The following SOCS7 variants were observed in gnomAD, a reference collection of about 807,000 sequenced individuals.
The protein encoded by SOCS7 is NAP-4.
A neutral mutation model predicts 58.9 loss-of-function variants in SOCS7; 18 were observed. The observed-to-expected ratio is 0.31, with a 90% CI of 0.21 to 0.45. The LOEUF (loss-of-function observed/expected upper bound fraction) is 0.45, where lower values mean the gene tolerates loss of function less well. Among genes scored for constraint, SOCS7 ranks in the 20% least tolerant of loss-of-function variants. SOCS7 has a pLI of 1.00. For synonymous variants in SOCS7, 388 were observed against 364.3 expected, an observed-to-expected ratio of 1.06 and a Z score of -0.74; for missense variants, 667 against 837.3, an observed-to-expected ratio of 0.80 and a Z score of 2.51.
intron 7 of SOCS7, among the ~76,000 whole-genome samples, chr17:38,383,834 G>A (rs1469281308): frequency 5.3e-5 from 8 of 152,068 alleles, no homozygotes; most frequent in African/African-American, 1.2e-4. Context: ...GTGAGCCACC[G>A]CGCCCAGCCT....
intron 7 of SOCS7, among the ~76,000 whole-genome samples, chr17:38,384,273 ATTAGTGT>A (rs1269388525): frequency 1.3e-5 from 2 of 152,164 alleles, no homozygotes; most frequent in South Asian, 2.1e-4. Flanking sequence ...TTCATTGCAT[ATTAGTGT>A]TTAGTGTTTA....
At chr17:38,393,299 A>G (rs2038200478) in intron 7 of SOCS7, among the ~76,000 whole-genome samples, 1 of 152,162 alleles carries the variant, frequency 6.6e-6, no homozygotes, top group Non-Finnish European at 1.5e-5. Flanking sequence ...GATGCGGTGT[A>G]CATGCTTTCA....
In SOCS7 at chr17:38,353,008, C is replaced by G; in HGVS notation, c.956C>G (p.Ala319Gly). ...AASLTDMGGS[A>G]GRELDAGRKP... is the part of the protein sequence containing the mutation. ...AGCCTGACAGACATGGGAGGCTCTGCGGGCCGGGAGCTGGACGCGGGGAGG... is the reference window on the plus strand; with the variant it reads ...AGCCTGACAGACATGGGAGGCTCTGGGGGCCGGGAGCTGGACGCGGGGAGG... The change falls in exon 1 of 10, where the codon GCG (alanine) becomes GGG (glycine). Residue 319 changes from alanine (A) to glycine (G), a missense_variant. Ala to Gly is a moderately conservative substitution (Grantham distance 60). This residue lies in a region of SOCS7 where 208 missense variants were observed against 190.3 expected (regional missense o/e 1.09). Transcript: ENST00000612932. 6.3e-7 allele frequency: 1 copy of G among 1,594,268 alleles called. No individual in the cohort carries two copies. The highest frequency in any genetic ancestry group is 1.3e-5 in the African/African-American group (1 of 74,836).
intron 6 of SOCS7, among the ~76,000 whole-genome samples, chr17:38,371,381 TCTC>T (rs1441127575): frequency 6.6e-6 from 1 of 152,120 alleles, no homozygotes; most frequent in Non-Finnish European, 1.5e-5. Flanking sequence ...TTCAGGCAAT[TCTC>T]CTGCCTCAGC....
intron 1 of SOCS7, among the ~76,000 whole-genome samples, chr17:38,357,452 C>T (rs142703952): frequency 6.2e-4 from 94 of 152,246 alleles, no homozygotes; most frequent in African/African-American, 2.2e-3. Flanking sequence ...TGCAGTGCTT[C>T]TCACTCCTTA....
chr17:38,391,446 A>G (rs921536033), intron 7 of SOCS7, among the ~76,000 whole-genome samples: 4 of 152,320 alleles, frequency 2.6e-5, no homozygotes, highest in African/African-American at 9.6e-5. Context: ...GCTGGAGTGC[A>G]GTGGTACAAT....
rs2038318944 is a variant in SOCS7 at position 38,401,545 on chromosome 17, A to G, written c.*2063A>G. ...CTTTGCGCTAGATATTGTAGAAAAC[A>G]AAAAAGGTAAAAGACGTAATATGTG... On this transcript the variant is annotated 3_prime_UTR_variant, in exon 10 of 10. Transcript: ENST00000612932. The G allele has an allele frequency of 6.6e-6, 1 of 152,068 alleles. No homozygotes were observed. Among genetic ancestry groups the G allele is most frequent in the African/African-American group, 2.4e-5 (1 of 41,394 alleles). The allele number at this position is 152,068 out of a possible 1,614,324, so 9.4% of individuals were successfully genotyped here.
intron 7 of SOCS7, among the ~76,000 whole-genome samples, chr17:38,383,130 C>T (rs1479625505): frequency 3.3e-5 from 5 of 152,096 alleles, no homozygotes; most frequent in Non-Finnish European, 5.9e-5. Flanking sequence ...TCCAGAGCAC[C>T]GAGTGCTACC....
intron 9 of SOCS7, among the ~76,000 whole-genome samples, chr17:38,398,118 C>CTTTTTTT (rs1318566626): frequency 6.6e-6 from 1 of 152,102 alleles, no homozygotes; most frequent in Non-Finnish European, 1.5e-5. Flanking sequence ...CCCAGGATCC[C>CTTTTTTT]TTTTTGCTGT....
At chr17:38,353,388 G>A (rs936620819) in intron 1 of SOCS7, among the ~76,000 whole-genome samples, 1 of 152,164 alleles carries the variant, frequency 6.6e-6, no homozygotes, top group Non-Finnish European at 1.5e-5. Context: ...TGGCCTTTGG[G>A]GCAAAAAGCT....
chr17:38,374,209 G>A (rs1447608968), intron 6 of SOCS7, among the ~76,000 whole-genome samples: 1 of 151,426 alleles, frequency 6.6e-6, no homozygotes, highest in African/African-American at 2.4e-5. Flanking sequence ...GACCGAGTGA[G>A]ACTCTGTCTC....
intron 6 of SOCS7, among the ~76,000 whole-genome samples, chr17:38,374,455 C>T (rs551419350): frequency 2.6e-5 from 4 of 152,072 alleles, no homozygotes; most frequent in South Asian, 2.1e-4. Flanking sequence ...TGCAGTGAAC[C>T]GTGATCATGC....
intron 7 of SOCS7, among the ~76,000 whole-genome samples, chr17:38,382,425 G>A (rs901801212): frequency 6.1e-5 from 8 of 130,670 alleles, no homozygotes; most frequent in Non-Finnish European, 1.2e-4. Context: ...GTAATAGAGC[G>A]AGACCCTATC....
At chr17:38,379,028 G>C (rs1021723376) in intron 7 of SOCS7, among the ~76,000 whole-genome samples, 8 of 151,536 alleles carry the variant, frequency 5.3e-5, no homozygotes, top group African/African-American at 1.9e-4. Flanking sequence ...TGTGATGCCA[G>C]GCGTCTGTAG....
intron 2 of SOCS7, 29 bp from the exon 3 acceptor site, chr17:38,364,723 G>GT: frequency 6.3e-7 from 1 of 1,594,502 alleles, no homozygotes. Flanking sequence ...AGGCGCTTCT[G>GT]TAACTTGCTT....
At chr17:38,358,698 C>T (rs1408575529) in intron 1 of SOCS7, among the ~76,000 whole-genome samples, 1 of 151,910 alleles carries the variant, frequency 6.6e-6, no homozygotes, top group Non-Finnish European at 1.5e-5. Flanking sequence ...GCTTGTCTCC[C>T]CAAAGAGAGA....
intron 1 of SOCS7, among the ~76,000 whole-genome samples, chr17:38,356,246 G>A (rs900162253): frequency 6.4e-5 from 8 of 125,078 alleles, no homozygotes; most frequent in Non-Finnish European, 1.3e-4. Context: ...GTTGGGTGTG[G>A]TAGTGTGCAC....
chr17:38,385,445 C>CT (rs1368366565), intron 7 of SOCS7, among the ~76,000 whole-genome samples: 204 of 93,052 alleles, frequency 2.2e-3, no homozygotes, highest in African/African-American at 8.9e-3. Context: ...TCTTTTCTTT[C>CT]TTTTTTTTTT....
intron 4 of SOCS7, chr17:38,366,060 T>G (rs1219957023): frequency 3.1e-6 from 4 of 1,297,600 alleles, no homozygotes; most frequent in Non-Finnish European, 4.0e-6. Flanking sequence ...CCTCCCCCTT[T>G]CTTGGGGTCA....
Sources: allele counts gnomAD v4.1 joint callset (sites outside exome capture counted in the v4.1 genomes callset), GRCh38; gene constraint gnomAD v4.1.1; regional missense constraint gnomAD v4.1.1; transcripts MANE v1.5; gene names NCBI Gene and HGNC (gene_info 2026-07-23, HGNC 2026-07-21).